RIMBP2: variants seen among roughly 807,000 people sequenced by gnomAD.
RIMBP2 encodes RIMS-binding protein 2.
RIMBP2 carries 48 observed loss-of-function variants against 118.6 expected under a neutral mutation model. The observed-to-expected ratio is 0.40, with a 90% CI of 0.32 to 0.51. The LOEUF is 0.51. Among genes scored for constraint, RIMBP2 ranks in the 20% least tolerant of loss-of-function variants. The pLI is 0.41. For missense variants in RIMBP2, 1,551 were observed against 1,768.3 expected (o/e 0.88, Z 2.20); for synonymous variants, 762 against 742.9 (o/e 1.03, Z -0.42).
At chr12:130,616,648 G>T (rs972741659) in intron 2 of RIMBP2, among the ~76,000 whole-genome samples, 1 of 152,192 alleles carries the variant, frequency 6.6e-6, no homozygotes, top group South Asian at 2.1e-4. Context: ...TAGAGGTTAC[G>T]GAATCTTCCC....
In RIMBP2 at chr12:130,444,493, G is replaced by T. The variant is rs562263332; in HGVS notation, c.691+667C>A. On this transcript the variant is annotated intron_variant, in intron 10 of 22. Coordinates refer to ENST00000690449, the MANE Select transcript of RIMBP2 (RefSeq NM_001393629.1). ...GGAAGAAACCAAGACCACGCTATTT[G>T]TCCAGGGCAGTTGAAACATGTAGGG... Among the ~76,000 whole-genome samples, 209 of 152,342 alleles carry T rather than the reference G, an allele frequency of 1.4e-3. 1 individual carries two copies. The highest frequency in any genetic ancestry group is 4.7e-3 in the African/African-American group (196 of 41,568).
rs1458838933 is a variant in RIMBP2 at position 130,442,143 on chromosome 12, C to T, written c.1209G>A (p.Val403=). The change falls in exon 11 of 23, where the codon GTG becomes GTA. Residue 403 remains valine (V), a synonymous_variant. Coordinates refer to ENST00000690449, the MANE Select transcript of RIMBP2 (RefSeq NM_001393629.1). The surrounding 1 kb of genome is among the most constrained non-coding windows in gnomAD (Gnocchi z 6.9). The part of the protein sequence containing the change: ...SSDELQCTLL[V]GKDVVVAPSH... ...AGGGGGCCACCACCACGTCCTTGCC[C>T]ACCAGCAGCGTGCACTGCAGCTCAT... is the stretch of plus-strand genomic sequence containing the variant. 5.0e-6 allele frequency: 8 copies of T among 1,614,166 alleles called. No individual in the cohort carries two copies. The highest frequency in any genetic ancestry group is 1.7e-5 in the Admixed American group (1 of 60,032).
At chr12:130,642,392 C>A (rs1327332216) in intron 1 of RIMBP2, among the ~76,000 whole-genome samples, 2 of 152,176 alleles carry the variant, frequency 1.3e-5, no homozygotes, top group African/African-American at 4.8e-5. Flanking sequence ...TCAAGGAATT[C>A]TCCTGCCTCA....
intron 9 of RIMBP2, among the ~76,000 whole-genome samples, chr12:130,448,720 G>C (rs762290729): frequency 6.6e-6 from 1 of 152,222 alleles, no homozygotes; most frequent in Non-Finnish European, 1.5e-5. Flanking sequence ...ACAGATGAGC[G>C]GATGGTGGGC....
Position 130,435,018 on chromosome 12 carries a change from C to A in RIMBP2, c.2107-138G>T, listed in dbSNP as rs982977689. ...ACACAGTGCTTTGGGCCCAGCTCTG[C>A]CGCCCTCTCGCTGCCCCAGACCCAC... On this transcript the variant is annotated intron_variant, in intron 13 of 22. Transcript: ENST00000690449. 15 of 838,938 alleles carry A rather than the reference C, an allele frequency of 1.8e-5. No individual in the cohort carries two copies. In the East Asian group the frequency reaches 3.4e-4, roughly 19 times the overall value. 52.0% of individuals were successfully genotyped at this position (838,938 alleles called of 1,614,324 possible). A position where few individuals can be genotyped will look rare whatever the true frequency, so the allele number is the denominator to read the frequency against.
intron 4 of RIMBP2, among the ~76,000 whole-genome samples, chr12:130,491,244 A>G (rs2048613395): frequency 1.3e-5 from 2 of 152,212 alleles, no homozygotes; most frequent in African/African-American, 2.4e-5. Flanking sequence ...TCCCATTTAC[A>G]GAGAAGGAAA....
chr12:130,445,711 T>C (rs1200869963), intron 9 of RIMBP2, among the ~76,000 whole-genome samples: 2 of 152,210 alleles, frequency 1.3e-5, no homozygotes, highest in Non-Finnish European at 2.9e-5. Context: ...TAGCATCCTA[T>C]ACTTCTACCT....
intron 2 of RIMBP2, among the ~76,000 whole-genome samples, chr12:130,518,309 T>C (rs2051696989): frequency 1.3e-5 from 2 of 152,148 alleles, no homozygotes. Context: ...TTAGAAATAT[T>C]TAGCCACTCA....
chr12:130,682,216 C>A (rs1419020010), intron 1 of RIMBP2, among the ~76,000 whole-genome samples: 1 of 152,196 alleles, frequency 6.6e-6, no homozygotes, highest in Non-Finnish European at 1.5e-5. Flanking sequence ...TCCCTTCCCC[C>A]ACTGCCAAGG....
At chr12:130,532,368 T>G (rs895354492) in intron 2 of RIMBP2, among the ~76,000 whole-genome samples, 2 of 148,298 alleles carry the variant, frequency 1.3e-5, no homozygotes, top group African/African-American at 2.5e-5. Flanking sequence ...CTCTAGGAGT[T>G]ACGTCTAATG....
chr12:130,659,419 A>G (rs1360408160), intron 1 of RIMBP2, among the ~76,000 whole-genome samples: 1 of 151,544 alleles, frequency 6.6e-6, no homozygotes, highest in East Asian at 2.0e-4. Flanking sequence ...AAAATACAAA[A>G]AATTAGCCAG....
intron 17 of RIMBP2, 40 bp from the exon 18 acceptor site, chr12:130,414,346 C>T: frequency 6.5e-7 from 1 of 1,530,840 alleles, no homozygotes; most frequent in Non-Finnish European, 8.8e-7. Flanking sequence ...CGGCAGTGAG[C>T]CTAACTGAGG....
At chr12:130,714,380 C>T (rs1223082469) in intron 1 of RIMBP2, among the ~76,000 whole-genome samples, 1 of 152,230 alleles carries the variant, frequency 6.6e-6, no homozygotes, top group Non-Finnish European at 1.5e-5. Flanking sequence ...ACGCCCACCC[C>T]CGGACTCTGC....
chr12:130,612,089 G>A (rs1328280220), intron 2 of RIMBP2, among the ~76,000 whole-genome samples: 1 of 152,094 alleles, frequency 6.6e-6, no homozygotes, highest in African/African-American at 2.4e-5. Flanking sequence ...AGTGTGCCAG[G>A]GCAGGTGCTC....
intron 1 of RIMBP2, among the ~76,000 whole-genome samples, chr12:130,684,060 GTT>G: frequency 6.6e-6 from 1 of 151,522 alleles, no homozygotes; most frequent in East Asian, 2.1e-4. Flanking sequence ...ATTTACATCT[GTT>G]CTCTCTGAAG....
intron 1 of RIMBP2, among the ~76,000 whole-genome samples, chr12:130,676,495 T>C (rs1216633799): frequency 6.6e-6 from 1 of 151,566 alleles, no homozygotes; most frequent in Admixed American, 6.6e-5. Context: ...TGGTGGTATG[T>C]GCCTGTAGTC....
chr12:130,650,028 G>GAA (rs1162149250), intron 1 of RIMBP2, among the ~76,000 whole-genome samples: 1 of 143,154 alleles, frequency 7.0e-6, no homozygotes, highest in Admixed American at 6.9e-5. Flanking sequence ...TGTTGAAGCT[G>GAA]AAAAAAAAAA....
chr12:130,486,966 C>G (rs916275804), intron 4 of RIMBP2, among the ~76,000 whole-genome samples: 1 of 152,150 alleles, frequency 6.6e-6, no homozygotes, highest in Non-Finnish European at 1.5e-5. Flanking sequence ...CACAGCCATT[C>G]TCCTTCAAGA....
chr12:130,591,707 C>A (rs1370444720), intron 2 of RIMBP2, among the ~76,000 whole-genome samples: 1 of 152,164 alleles, frequency 6.6e-6, no homozygotes, highest in Non-Finnish European at 1.5e-5. Flanking sequence ...GGTTTACCAC[C>A]CACCCAGGTG....
Sources: gnomAD v4.1 joint callset for allele counts (sites outside exome capture counted in the v4.1 genomes callset) on GRCh38, gnomAD v4.1.1 for gene constraint, Gnocchi (gnomAD v3.1) non-coding constraint, MANE v1.5 for transcripts, NCBI Gene and HGNC (gene_info 2026-07-23, HGNC 2026-07-21) for gene names.